Variants in SLC8A1 observed in about 807,000 individuals in gnomAD.
SLC8A1 encodes the protein solute carrier family 8 member A1, also known as sodium/calcium exchanger 1.
SLC8A1 carries 18 observed loss-of-function variants against 68.3 expected under a neutral mutation model. The observed-to-expected ratio is 0.26, with a 90% CI of 0.18 to 0.39. The LOEUF is 0.39. SLC8A1 is among the 10% of genes least tolerant of loss of function. The pLI is 1.00. For synonymous variants in SLC8A1, 475 were observed against 415.5 expected (o/e 1.14, Z -1.74); for missense variants, 985 against 1,156.7 (o/e 0.85, Z 2.15).
intron 2 of SLC8A1, among the ~76,000 whole-genome samples, chr2:40,401,484 C>T (rs1403951844): frequency 4.8e-5 from 7 of 146,094 alleles, no homozygotes; most frequent in African/African-American, 1.8e-4. Flanking sequence ...TTCTCCCATA[C>T]TAAATTTAAC....
At chr2:40,388,853 TA>T (rs1376215853) in intron 2 of SLC8A1, among the ~76,000 whole-genome samples, 1 of 152,122 alleles carries the variant, frequency 6.6e-6, no homozygotes, top group African/African-American at 2.4e-5. Context: ...GTGTGTTAGA[TA>T]AAACTATTAA....
At chr2:40,404,120 T>C (rs1689605433) in intron 2 of SLC8A1, among the ~76,000 whole-genome samples, 1 of 152,162 alleles carries the variant, frequency 6.6e-6, no homozygotes, top group Admixed American at 6.5e-5. Context: ...GGTTTTGAGA[T>C]TCTGGGCTCA....
At chr2:40,360,330 T>C (rs1488607489) in intron 2 of SLC8A1, among the ~76,000 whole-genome samples, 4 of 152,168 alleles carry the variant, frequency 2.6e-5, no homozygotes, top group African/African-American at 4.8e-5. Context: ...CTACCATTTG[T>C]TTTTTTAATA....
chr2:40,399,638 A>G (rs1311165621), intron 2 of SLC8A1, among the ~76,000 whole-genome samples: 1 of 152,186 alleles, frequency 6.6e-6, no homozygotes, highest in African/African-American at 2.4e-5. Context: ...GTTACCAAAA[A>G]TGCTATGCTG....
In SLC8A1 at chr2:40,420,708, A is replaced by G. The variant is rs1044155417; in HGVS notation, c.1808+7765T>C. 5.3e-5 allele frequency among the ~76,000 whole-genome samples: 8 copies of G among 152,298 alleles called. No homozygotes were observed. In the South Asian group the frequency reaches 1.0e-3, roughly 20 times the overall value. ...TACACGTTCTAGAATCCCAGAAAAG[A>G]TAAATGACTGCTCTAGTTTCTCATC... On this transcript the variant is annotated intron_variant, in intron 2 of 7. Transcript: ENST00000406785.
chr2:40,202,317 C>A (rs1309951811), intron 2 of SLC8A1, among the ~76,000 whole-genome samples: 1 of 151,960 alleles, frequency 6.6e-6, no homozygotes, highest in Non-Finnish European at 1.5e-5. Context: ...TGTTAGGACA[C>A]CCCTTCACAA....
At chr2:40,421,668 A>G (rs1345923235) in intron 2 of SLC8A1, among the ~76,000 whole-genome samples, 1 of 152,128 alleles carries the variant, frequency 6.6e-6, no homozygotes, top group African/African-American at 2.4e-5. Flanking sequence ...TTCAACTGTC[A>G]CCAAAGAACA....
chr2:40,489,160 T>G (rs1705162748), intron 1 of SLC8A1, among the ~76,000 whole-genome samples: 1 of 152,076 alleles, frequency 6.6e-6, no homozygotes, highest in Admixed American at 6.6e-5. Flanking sequence ...ACAGTGAAGC[T>G]TACAGAACAA....
chr2:40,492,528 A>C (rs1345726302), intron 1 of SLC8A1, among the ~76,000 whole-genome samples: 3 of 151,818 alleles, frequency 2.0e-5, no homozygotes, highest in South Asian at 4.1e-4. Flanking sequence ...TCTGCACAGC[A>C]AAAGAAACTA....
At chr2:40,103,712 T>C (rs892546500) in exon 8 of SLC8A1, 8 of 152,314 alleles carry the variant, frequency 5.3e-5, no homozygotes, top group Non-Finnish European at 1.0e-4. Context: ...TCTCATTACA[T>C]TTTCTACTGT....
At chr2:40,428,495 C>G in exon 2 of SLC8A1, 1 of 1,596,534 alleles carries the variant, frequency 6.3e-7, no homozygotes, top group Non-Finnish European at 8.5e-7. Context: ...TTCTGGAATT[C>G]GAGCTCTCCA....
chr2:40,432,963 G>A (rs1698661925), intron 1 of SLC8A1, among the ~76,000 whole-genome samples: 1 of 152,050 alleles, frequency 6.6e-6, no homozygotes, highest in South Asian at 2.1e-4. Flanking sequence ...AATGTCTTGG[G>A]GACCTGAAAG....
chr2:40,417,959 A>G (rs116424609), intron 2 of SLC8A1, among the ~76,000 whole-genome samples: 1,557 of 152,142 alleles, frequency 0.01, 26 homozygotes, highest in African/African-American at 0.036. Flanking sequence ...ACCCAGATCT[A>G]CTTCAAAATG....
At chr2:40,390,260 T>C (rs1056104845) in intron 2 of SLC8A1, among the ~76,000 whole-genome samples, 1 of 152,146 alleles carries the variant, frequency 6.6e-6, no homozygotes, top group Non-Finnish European at 1.5e-5. Flanking sequence ...GCAGATTCTG[T>C]TCAGCTTGCA....
chr2:40,446,799 A>G (rs1701526984), intron 1 of SLC8A1, among the ~76,000 whole-genome samples: 1 of 152,242 alleles, frequency 6.6e-6, no homozygotes, highest in South Asian at 2.1e-4. Context: ...CAGAATACTC[A>G]TAAGCATCCA....
intron 3 of SLC8A1, 78 bp from the exon 4 acceptor site, chr2:40,175,359 A>T: frequency 6.9e-7 from 1 of 1,454,654 alleles, no homozygotes; most frequent in Non-Finnish European, 9.6e-7. Flanking sequence ...TATCAGCAGA[A>T]AGAAATCCAG....
At chr2:40,171,296 T>C (rs2047443195) in intron 4 of SLC8A1, among the ~76,000 whole-genome samples, 1 of 152,194 alleles carries the variant, frequency 6.6e-6, no homozygotes, top group Admixed American at 6.5e-5. Flanking sequence ...TAAAAAGTCT[T>C]GTGTCTTATT....
intron 2 of SLC8A1, among the ~76,000 whole-genome samples, chr2:40,345,376 T>C (rs370616114): frequency 6.6e-6 from 1 of 152,144 alleles, no homozygotes; most frequent in African/African-American, 2.4e-5. Context: ...TGAAGTGTGA[T>C]AGGGTAGAAA....
intron 5 of SLC8A1, among the ~76,000 whole-genome samples, chr2:40,163,287 T>C (rs1200101619): frequency 6.6e-6 from 1 of 152,176 alleles, no homozygotes; most frequent in East Asian, 1.9e-4. Flanking sequence ...TTACTATGAT[T>C]GCTCTTCCTG....
Sources: allele counts gnomAD v4.1 joint callset (sites outside exome capture counted in the v4.1 genomes callset), GRCh38; gene constraint gnomAD v4.1.1; transcripts MANE v1.5; gene names NCBI Gene and HGNC (gene_info 2026-07-23, HGNC 2026-07-21).